Variants in TTYH3 observed in about 807,000 individuals in gnomAD.
The protein encoded by TTYH3 is protein tweety homolog 3.
TTYH3 carries 23 observed loss-of-function variants against 68.2 expected under a neutral mutation model. The observed-to-expected ratio is 0.34, with a 90% CI of 0.24 to 0.48. The LOEUF (loss-of-function observed/expected upper bound fraction) is 0.48, where lower values mean the gene tolerates loss of function less well. Ranked by LOEUF, TTYH3 falls within the 20% of genes least tolerant of loss-of-function variation. The pLI is 0.99. For missense variants in TTYH3, 768 were observed against 727.7 expected (o/e 1.06, Z -0.64); for synonymous variants, 360 against 332.8 (o/e 1.08, Z -0.89).
chr7:2,647,991 A>G lies in TTYH3; in HGVS notation c.659A>G (p.Asp220Gly). 1 of 1,610,476 alleles carries G rather than the reference A, an allele frequency of 6.2e-7. No individual in the cohort carries two copies. Among genetic ancestry groups the G allele is most frequent in the South Asian group, 1.1e-5 (1 of 91,078 alleles). The stretch of plus-strand genomic sequence containing the variant: ...GGCTACCTGGGCCTGCTGCTGCTGG[A>G]CGTCATCATCTGCCTCCTGGTGCTG... ...WLGYLGLLLL[D>G]VIICLLVLVG... is the part of the protein sequence containing the mutation. The change falls in exon 5 of 14, where the codon GAC becomes GGC. Residue 220 changes from aspartate (D) to glycine (G), a missense_variant. Transcript: ENST00000258796.
In TTYH3 at chr7:2,632,113, C is replaced by T. The variant is rs1478106286; in HGVS notation, c.-43C>T. On this transcript the variant is annotated 5_prime_UTR_variant, in exon 1 of 14. Transcript: ENST00000258796. ...CCCGCGCCCCGGGCCAGCAAGGGAG[C>T]CCCGCGCAGGCCGCGCGCATCCGGA... 10 of 1,310,366 alleles carry T rather than the reference C, an allele frequency of 7.6e-6. No homozygotes were observed. The highest frequency in any genetic ancestry group is 2.1e-5 in the South Asian group (1 of 48,356). 81.2% of individuals were successfully genotyped at this position (1,310,366 alleles called of 1,614,324 possible). A position where few individuals can be genotyped will look rare whatever the true frequency, so the allele number is the denominator to read the frequency against.
intron 11 of TTYH3, among the ~76,000 whole-genome samples, chr7:2,657,129 T>A (rs1786356361): frequency 6.6e-6 from 1 of 152,216 alleles, no homozygotes; most frequent in East Asian, 1.9e-4. Context: ...GGTGACAGGC[T>A]CCTTCCCTTG....
At position 2,645,778 on chromosome 7, in the gene TTYH3, T is replaced by G. The variant is rs1386738697; in HGVS notation, c.124-1075T>G. On this transcript the variant is annotated intron_variant, in intron 1 of 13. Coordinates refer to ENST00000258796, the MANE Select transcript of TTYH3 (RefSeq NM_025250.3). This position sits in a 1 kb window ranked among gnomAD's most constrained non-coding sequence, Gnocchi z 4.8. ...TTCCATGTTCACCCCTCAGAAACAC[T>G]TTCATGGTCAGCAAGAGGGGGTTCA... 6.4e-6 allele frequency: 3 copies of G among 470,946 alleles called. No homozygotes were observed. In the East Asian group the frequency reaches 2.1e-4, roughly 33 times the overall value. The allele number at this position is 470,946 out of a possible 1,614,324, so 29.2% of individuals were successfully genotyped here.
chr7:2,645,847 C>G lies in TTYH3; in HGVS notation c.124-1006C>G. The G allele has an allele frequency of 4.2e-6, 2 of 470,822 alleles. No homozygotes were observed. Among genetic ancestry groups the G allele is most frequent in the Non-Finnish European group, 8.8e-6 (2 of 226,970 alleles). 29.2% of individuals were successfully genotyped at this position (470,822 alleles called of 1,614,324 possible). On this transcript the variant is annotated intron_variant, in intron 1 of 13. Coordinates refer to ENST00000258796, the MANE Select transcript of TTYH3 (RefSeq NM_025250.3). The surrounding 1 kb of genome is among the most constrained non-coding windows in gnomAD (Gnocchi z 4.8). ...ATTTCCCTACCAGACCTGAAAACCTCAGGACTACAGCTGGGGTGGGGGATC... is the reference window on the plus strand; with the variant it reads ...ATTTCCCTACCAGACCTGAAAACCTGAGGACTACAGCTGGGGTGGGGGATC...
chr7:2,648,214 C>G, intron 5 of TTYH3, 160 bp downstream of exon 5: 1 of 651,904 alleles, frequency 1.5e-6, no homozygotes, highest in Middle Eastern at 4.3e-4. Context: ...TGAGATGCCC[C>G]TTCTGTGCCT....
At position 2,649,951 on chromosome 7, in the gene TTYH3, G is replaced by A; in HGVS notation, c.834G>A (p.Val278=). Residue 278 remains valine (V), a synonymous_variant, in exon 7 of 14, where the codon GTG becomes GTA. Transcript: ENST00000258796. ...SDFCVDPDAY[V]TKMVEEYSVL... Reference sequence around the variant, plus strand: ...TCTGTGTGGACCCTGACGCCTACGTGACCAAAATGGTGGAGGAGTACTCGG... The same window carrying A: ...TCTGTGTGGACCCTGACGCCTACGTAACCAAAATGGTGGAGGAGTACTCGG... 6.2e-7 allele frequency: 1 copy of A among 1,614,012 alleles called. No individual in the cohort carries two copies.
In TTYH3 at chr7:2,650,464, G is replaced by C. The variant is rs1242654363; in HGVS notation, c.871+476G>C. 3.3e-5 allele frequency among the ~76,000 whole-genome samples: 5 copies of C among 152,264 alleles called. No homozygotes were observed. In the East Asian group the frequency reaches 9.7e-4, roughly 29 times the overall value. ...GTGGTCGTGGGTGCCTGTAATCCCA[G>C]CTACTCCGGAGACTGAGGCACGAGA... On this transcript the variant is annotated intron_variant, in intron 7 of 13. Coordinates refer to ENST00000258796, the MANE Select transcript of TTYH3 (RefSeq NM_025250.3).
chr7:2,648,016 G>C lies in TTYH3; in HGVS notation c.684G>C (p.Leu228=). The change falls in exon 5 of 14, where the codon CTG becomes CTC. Residue 228 remains leucine (L), a synonymous_variant. Coordinates refer to ENST00000258796, the MANE Select transcript of TTYH3 (RefSeq NM_025250.3). ...LLDVIICLLV[L]VGLIRSSKGI... is the part of the protein sequence containing the mutation. Reference sequence around the variant, plus strand: ...ACGTCATCATCTGCCTCCTGGTGCTGGTTGGCCTCATCCGCAGCTCCAAGG... The same window carrying C: ...ACGTCATCATCTGCCTCCTGGTGCTCGTTGGCCTCATCCGCAGCTCCAAGG... The C allele has an allele frequency of 6.2e-7, 1 of 1,611,004 alleles. No individual in the cohort carries two copies. Among genetic ancestry groups the C allele is most frequent in the Non-Finnish European group, 8.5e-7 (1 of 1,179,878 alleles).
Position 2,649,995 on chromosome 7 carries a change from C to CTG in TTYH3, c.871+11_871+12dup. On this transcript the variant is annotated splice_region_variant and intron_variant, in intron 7 of 13. Transcript: ENST00000258796. ...TACTCGGTGCTGAGTGGGGGTGAGTCTGTGTCCACGGCCGTGTCCCAGCGG... is the reference window on the plus strand; with the variant it reads ...TACTCGGTGCTGAGTGGGGGTGAGTCTGTGTGTCCACGGCCGTGTCCCAGCGG... The CTG allele has an allele frequency of 1.2e-6, 2 of 1,613,876 alleles. No homozygotes were observed. Among genetic ancestry groups the CTG allele is most frequent in the Non-Finnish European group, 1.7e-6 (2 of 1,179,886 alleles).
rs575065742 is a variant in TTYH3 at position 2,641,152 on chromosome 7, G to A, written c.124-5701G>A. ...ACCAGCCAGTGCCCCAGGCATCCCT[G>A]CCAGGCCAGGGAGGTCTTGCTCTGG... On this transcript the variant is annotated intron_variant, in intron 1 of 13. Transcript: ENST00000258796. Among the ~76,000 whole-genome samples, 13 of 152,340 alleles carry A rather than the reference G, an allele frequency of 8.5e-5. 1 individual carries two copies. Among genetic ancestry groups the A allele is most frequent in the Admixed American group, 8.5e-4 (13 of 15,306 alleles).
chr7:2,646,576 C>A (rs12537677), intron 1 of TTYH3, among the ~76,000 whole-genome samples: 2 of 152,036 alleles, frequency 1.3e-5, no homozygotes, highest in South Asian at 4.1e-4. Context: ...TCGGTTCACC[C>A]GGCCCCTCCT....
intron 8 of TTYH3, 136 bp from the exon 9 acceptor site, chr7:2,652,782 G>C: frequency 1.4e-6 from 1 of 691,138 alleles, no homozygotes. Flanking sequence ...GGAGTGCCCT[G>C]TTGGCCTGCA....
chr7:2,646,739 C>G, intron 1 of TTYH3, 114 bp from the exon 2 acceptor site: 5 of 1,214,092 alleles, frequency 4.1e-6, no homozygotes, highest in Non-Finnish European at 5.6e-6. Context: ...GCCCACCTCC[C>G]AGGGCTGGGG....
At position 2,661,998 on chromosome 7, in the gene TTYH3, A is replaced by C; in HGVS notation, c.*259A>C. The C allele has an allele frequency of 1.7e-6, 1 of 590,766 alleles. No individual in the cohort carries two copies. The highest frequency in any genetic ancestry group is 3.0e-6 in the Non-Finnish European group (1 of 330,982). The allele number at this position is 590,766 out of a possible 1,614,324, so 36.6% of individuals were successfully genotyped here. A position where few individuals can be genotyped will look rare whatever the true frequency, so the allele number is the denominator to read the frequency against. On this transcript the variant is annotated 3_prime_UTR_variant, in exon 14 of 14. Coordinates refer to ENST00000258796, the MANE Select transcript of TTYH3 (RefSeq NM_025250.3). ...GCCCCAGCCCTGCACGCCACCCACT[A>C]TCCCGGCACGCTCCCTCTGCAGATG...
intron 9 of TTYH3, among the ~76,000 whole-genome samples, chr7:2,654,928 C>A (rs1393612541): frequency 6.6e-6 from 1 of 152,068 alleles, no homozygotes; most frequent in Non-Finnish European, 1.5e-5. Context: ...GCGCCTGCAG[C>A]GCACCCAGCT....
At chr7:2,644,854 C>G (rs919546792) in intron 1 of TTYH3, among the ~76,000 whole-genome samples, 1 of 152,194 alleles carries the variant, frequency 6.6e-6, no homozygotes, top group South Asian at 2.1e-4. Context: ...GGGCAGGACA[C>G]GGCATCCTCC....
At position 2,646,906 on chromosome 7, in the gene TTYH3, C is replaced by T. The variant is rs1437253682; in HGVS notation, c.177C>T (p.Leu59=). 1 of 1,599,650 alleles carries T rather than the reference C, an allele frequency of 6.3e-7. No individual in the cohort carries two copies. The highest frequency in any genetic ancestry group is 1.6e-4 in the Middle Eastern group (1 of 6,062). The change falls in exon 2 of 14, where the codon CTC becomes CTT. Residue 59 remains leucine, a synonymous_variant. Coordinates refer to ENST00000258796, the MANE Select transcript of TTYH3 (RefSeq NM_025250.3). The part of the protein sequence containing the change: ...AALACLALDL[L]FLLFYSFWLC... ...TGGCCTGCCTCGCCCTGGACCTCCT[C>T]TTCCTGCTCTTCTACTCCTTCTGGC... is the stretch of plus-strand genomic sequence containing the variant.
Position 2,648,029 on chromosome 7 carries a change from C to T in TTYH3, c.697C>T (p.Arg233Cys), listed in dbSNP as rs774889237. The change falls in exon 5 of 14, where the codon CGC becomes TGC. Residue 233 changes from arginine to cysteine, a missense_variant. By Grantham distance (180) the Arg-to-Cys change is radical. Transcript: ENST00000258796. ...ICLLVLVGLIRSSKGILVGVC... is the reference protein window; with the variant it reads ...ICLLVLVGLICSSKGILVGVC... ...CCTCCTGGTGCTGGTTGGCCTCATCCGCAGCTCCAAGGGCATCCTGGTGGG... is the reference window on the plus strand; with the variant it reads ...CCTCCTGGTGCTGGTTGGCCTCATCTGCAGCTCCAAGGGCATCCTGGTGGG... 23 of 1,610,488 alleles carry T rather than the reference C, an allele frequency of 1.4e-5. No individual in the cohort carries two copies. The highest frequency in any genetic ancestry group is 1.8e-4 in the Middle Eastern group (1 of 5,704).
intron 13 of TTYH3, chr7:2,660,059 C>G: frequency 7.7e-7 from 1 of 1,297,846 alleles, no homozygotes; most frequent in Non-Finnish European, 1.0e-6. Context: ...CCACCGGTCC[C>G]CCATCCCGCA....
Sources: allele counts gnomAD v4.1 joint callset (sites outside exome capture counted in the v4.1 genomes callset), GRCh38; gene constraint gnomAD v4.1.1; non-coding constraint Gnocchi (gnomAD v3.1); transcripts MANE v1.5; gene names NCBI Gene and HGNC (gene_info 2026-07-23, HGNC 2026-07-21).